Variants in HIBADH observed in about 807,000 individuals in gnomAD.
HIBADH encodes the protein 3-hydroxyisobutyrate dehydrogenase, mitochondrial.
Under a neutral mutation model 36.1 loss-of-function variants are expected in HIBADH, and 25 were observed. The observed-to-expected ratio is 0.69, with a 90% CI of 0.50 to 0.97. The LOEUF (loss-of-function observed/expected upper bound fraction) is 0.97. HIBADH is among the 50% of genes least tolerant of loss of function. HIBADH has a pLI of 0.00. For synonymous variants in HIBADH, 160 were observed against 149.5 expected, an observed-to-expected ratio of 1.07 and a Z score of -0.51; for missense variants, 421 against 418.0, an observed-to-expected ratio of 1.01 and a Z score of -0.06.
intron 4 of HIBADH, among the ~76,000 whole-genome samples, chr7:27,615,763 GTAAA>G (rs1785414258): frequency 6.6e-6 from 1 of 152,122 alleles, no homozygotes; most frequent in Non-Finnish European, 1.5e-5. Context: ...TATTTTTAGA[GTAAA>G]TAGAGTATAA....
At chr7:27,567,533 C>T (rs550148452) in intron 4 of HIBADH, among the ~76,000 whole-genome samples, 26 of 152,060 alleles carry the variant, frequency 1.7e-4, no homozygotes, top group Middle Eastern at 3.4e-3. Context: ...TCTGCTTGTC[C>T]ACTATGTTTT....
At chr7:27,605,586 CAAAAAAAAAAAAAAA>C (rs70994666) in intron 4 of HIBADH, among the ~76,000 whole-genome samples, 5 of 33,600 alleles carry the variant, frequency 1.5e-4, no homozygotes, top group East Asian at 2.4e-3. Flanking sequence ...TTTAGACAAG[CAAAAAAAAAAAAAAA>C]AAAAAAAAAA....
chr7:27,601,483 T>TA (rs991623027), intron 4 of HIBADH, among the ~76,000 whole-genome samples: 8 of 151,888 alleles, frequency 5.3e-5, no homozygotes, highest in Admixed American at 2.0e-4. Flanking sequence ...ATAAACGTGC[T>TA]AAAAAAAAGC....
intron 4 of HIBADH, among the ~76,000 whole-genome samples, chr7:27,564,671 A>C (rs1233442921): frequency 6.6e-6 from 1 of 152,166 alleles, no homozygotes; most frequent in African/African-American, 2.4e-5. Flanking sequence ...AATTAATGTC[A>C]ATTTCTCTAT....
intron 1 of HIBADH, among the ~76,000 whole-genome samples, chr7:27,652,858 G>A (rs1298798928): frequency 6.6e-6 from 1 of 152,214 alleles, no homozygotes; most frequent in South Asian, 2.1e-4. Flanking sequence ...GCCAGGCGCA[G>A]CGGCTCACGC....
At chr7:27,658,450 C>A (rs1267297158) in intron 1 of HIBADH, among the ~76,000 whole-genome samples, 2 of 152,042 alleles carry the variant, frequency 1.3e-5, no homozygotes, top group African/African-American at 4.8e-5. Flanking sequence ...GCAAATTTAC[C>A]GATTATGACC....
At chr7:27,542,936 C>T (rs760381893) in intron 5 of HIBADH, 31 bp downstream of exon 5, 2 of 1,597,806 alleles carry the variant, frequency 1.3e-6, no homozygotes, top group African/African-American at 1.3e-5. Flanking sequence ...TTTACATCAT[C>T]AAGTCAAGGT....
At chr7:27,526,822 A>G (rs1284951117) in intron 7 of HIBADH, among the ~76,000 whole-genome samples, 1 of 152,224 alleles carries the variant, frequency 6.6e-6, no homozygotes, top group African/African-American at 2.4e-5. Flanking sequence ...GGATAAAATG[A>G]TGAGCAAAAC....
intron 2 of HIBADH, among the ~76,000 whole-genome samples, chr7:27,635,117 G>A (rs1231566010): frequency 9.5e-6 from 1 of 105,210 alleles, no homozygotes; most frequent in Non-Finnish European, 1.9e-5. Context: ...TGTGTATTTG[G>A]TACATCCTAA....
intron 4 of HIBADH, among the ~76,000 whole-genome samples, chr7:27,597,405 T>C (rs1785048579): frequency 6.6e-6 from 1 of 151,676 alleles, no homozygotes; most frequent in South Asian, 2.1e-4. Context: ...ATGATTATTA[T>C]TGGGTACCAA....
chr7:27,591,176 C>T (rs942525276), intron 4 of HIBADH, among the ~76,000 whole-genome samples: 1 of 152,146 alleles, frequency 6.6e-6, no homozygotes, highest in Non-Finnish European at 1.5e-5. Flanking sequence ...AAATACTCTA[C>T]GAATCTCAGA....
chr7:27,649,375 A>G (rs937893730), intron 2 of HIBADH, 98 bp downstream of exon 2: 1 of 882,892 alleles, frequency 1.1e-6, no homozygotes, highest in African/African-American at 1.7e-5. Flanking sequence ...TAGGTTTACA[A>G]CTCCATTGGG....
In HIBADH at chr7:27,610,084, G is replaced by T. The variant is rs569247332; in HGVS notation, c.484+19287C>A. On this transcript the variant is annotated intron_variant, in intron 4 of 7. Coordinates refer to ENST00000265395, the MANE Select transcript of HIBADH (RefSeq NM_152740.4). ...TCTGCCCACCTCAGCCTCCCAAAGT[G>T]CTGGGATTACAGACATGAGCCATCA... Among the ~76,000 whole-genome samples, 470 of 152,196 alleles carry T rather than the reference G, an allele frequency of 3.1e-3. 3 individuals are homozygous for T. Among genetic ancestry groups the T allele is most frequent in the African/African-American group, 0.011 (449 of 41,516 alleles).
chr7:27,574,737 G>GTATC, intron 4 of HIBADH, among the ~76,000 whole-genome samples: 1 of 152,250 alleles, frequency 6.6e-6, no homozygotes, highest in South Asian at 2.1e-4. Context: ...CAAAATCCAT[G>GTATC]TATCTTCCAC....
At position 27,585,782 on chromosome 7, in the gene HIBADH, T is replaced by C. The variant is rs186121923; in HGVS notation, c.485-42682A>G. On this transcript the variant is annotated intron_variant, in intron 4 of 7. Transcript: ENST00000265395. ...TGTAACATTTAAGTTTTCTGTTTAC[T>C]GAAAAATGAATCTAGAGTTTTCCTG... 7.6e-4 allele frequency among the ~76,000 whole-genome samples: 116 copies of C among 152,342 alleles called. 2 individuals carry two copies. Among genetic ancestry groups the C allele is most frequent in the African/African-American group, 2.6e-3 (107 of 41,588 alleles).
Position 27,662,714 on chromosome 7 carries a change from GGCTGCCGGCCGCAGCC to G in HIBADH, c.59_74del (p.Arg20ProfsTer35). 1 of 1,372,908 alleles carries G rather than the reference GGCTGCCGGCCGCAGCC, an allele frequency of 7.3e-7. No individual in the cohort carries two copies. The highest frequency in any genetic ancestry group is 3.1e-5 in the East Asian group (1 of 32,242). The allele number at this position is 1,372,908 out of a possible 1,614,324, so 85.0% of individuals were successfully genotyped here. A position where few individuals can be genotyped will look rare whatever the true frequency, so the allele number is the denominator to read the frequency against. On this transcript the variant is annotated frameshift_variant, in exon 1 of 8. Transcript: ENST00000265395. LOFTEE classifies it high-confidence loss of function. The stretch of plus-strand genomic sequence containing the variant: ...GGTCCTTACCCGCTGCAAAGCTGCC[GGCTGCCGGCCGCAGCC>G]GCCGGCTCCAGTACCGGAGACCGGA...
At chr7:27,643,991 C>T (rs1275965331) in intron 2 of HIBADH, among the ~76,000 whole-genome samples, 1 of 152,144 alleles carries the variant, frequency 6.6e-6, no homozygotes, top group Non-Finnish European at 1.5e-5. Context: ...CGTCAAAGAC[C>T]CTGTTTCCAA....
intron 4 of HIBADH, among the ~76,000 whole-genome samples, chr7:27,625,521 G>T (rs146121524): frequency 6.6e-6 from 1 of 152,102 alleles, no homozygotes; most frequent in East Asian, 1.9e-4. Context: ...CAGGATGCTG[G>T]TTACCTCTCA....
chr7:27,623,567 A>G (rs1785583210), intron 4 of HIBADH, among the ~76,000 whole-genome samples: 1 of 152,216 alleles, frequency 6.6e-6, no homozygotes, highest in African/African-American at 2.4e-5. Context: ...AGGATACAAA[A>G]TCAACACACA....
Sources: allele counts gnomAD v4.1 joint callset (sites outside exome capture counted in the v4.1 genomes callset), GRCh38; gene constraint gnomAD v4.1.1; transcripts MANE v1.5; gene names NCBI Gene and HGNC (gene_info 2026-07-23, HGNC 2026-07-21).